Variants in UNC5C observed in about 807,000 individuals in gnomAD.
UNC5C encodes the protein unc-5 netrin receptor C, also known as netrin receptor UNC5C.
UNC5C carries 47 observed loss-of-function variants against 99.8 expected under a neutral mutation model. That is an observed-to-expected ratio of 0.47 (90% CI 0.37 to 0.60). The LOEUF is 0.60. Among genes scored for constraint, UNC5C ranks in the 20% least tolerant of loss-of-function variants. UNC5C has a pLI of 0.00. For missense variants in UNC5C, 1,062 were observed against 1,165.9 expected (o/e 0.91, Z 1.30); for synonymous variants, 487 against 452.2 (o/e 1.08, Z -0.98).
intron 1 of UNC5C, among the ~76,000 whole-genome samples, chr4:95,369,111 G>A (rs56219612): frequency 0.29 from 44,558 of 151,612 alleles, 8,270 homozygotes; most frequent in African/African-American, 0.52. Context: ...CTCCCACCTC[G>A]GCCTCCCAAA....
chr4:95,439,697 C>T (rs945451794), intron 1 of UNC5C, among the ~76,000 whole-genome samples: 39 of 152,078 alleles, frequency 2.6e-4, no homozygotes, highest in African/African-American at 8.9e-4. Context: ...AAAAGGTGTT[C>T]TGAGGTCAAA....
chr4:95,281,468 G>T lies in UNC5C; in HGVS notation c.491-3106C>A, dbSNP rs1406785812. On this transcript the variant is annotated intron_variant, in intron 3 of 15. Coordinates refer to ENST00000453304, the MANE Select transcript of UNC5C (RefSeq NM_003728.4). ...GGTGTCCATCAGAGTGACTGATGGA[G>T]TGAGGCGGTGGTGAGGAGCCTGAAG... is the stretch of plus-strand genomic sequence containing the variant. Among the ~76,000 whole-genome samples, 5 of 152,286 alleles carry T rather than the reference G, an allele frequency of 3.3e-5. No individual in the cohort carries two copies. The East Asian group carries it at 9.7e-4, about 30-fold the overall frequency.
At chr4:95,382,768 C>T (rs1404113861) in intron 1 of UNC5C, among the ~76,000 whole-genome samples, 5 of 152,154 alleles carry the variant, frequency 3.3e-5, no homozygotes, top group Admixed American at 3.3e-4. Flanking sequence ...TCCTACTTAG[C>T]CACTGCTTTA....
At chr4:95,289,747 C>G (rs763065671) in intron 3 of UNC5C, among the ~76,000 whole-genome samples, 2 of 152,068 alleles carry the variant, frequency 1.3e-5, no homozygotes, top group Non-Finnish European at 2.9e-5. Flanking sequence ...ATCACCAAAT[C>G]TGGCTGTTAA....
intron 7 of UNC5C, among the ~76,000 whole-genome samples, chr4:95,233,039 T>A (rs895316025): frequency 6.6e-6 from 1 of 152,160 alleles, no homozygotes; most frequent in Non-Finnish European, 1.5e-5. Flanking sequence ...CATTCTAAAG[T>A]CAAGAAATGA....
chr4:95,267,435 C>T (rs1182983998), intron 4 of UNC5C, among the ~76,000 whole-genome samples: 1 of 152,102 alleles, frequency 6.6e-6, no homozygotes, highest in Non-Finnish European at 1.5e-5. Flanking sequence ...TTTTCTGTTT[C>T]TAACAAGAGG....
At chr4:95,266,903 T>G (rs1014401925) in intron 4 of UNC5C, among the ~76,000 whole-genome samples, 37 of 152,234 alleles carry the variant, frequency 2.4e-4, no homozygotes, top group African/African-American at 8.0e-4. Flanking sequence ...TCCAGTTTTA[T>G]CTTGACTTTC....
intron 1 of UNC5C, among the ~76,000 whole-genome samples, chr4:95,527,090 C>T (rs1722517505): frequency 6.6e-6 from 1 of 151,940 alleles, no homozygotes; most frequent in Admixed American, 6.6e-5. Flanking sequence ...AGTTAATATA[C>T]CCATGCATTT....
intron 13 of UNC5C, among the ~76,000 whole-genome samples, chr4:95,183,670 C>T (rs1332231468): frequency 6.6e-6 from 1 of 150,694 alleles, no homozygotes; most frequent in African/African-American, 2.4e-5. Flanking sequence ...GACCACCTTA[C>T]AGAGCCTATC....
At chr4:95,491,829 C>T (rs933386684) in intron 1 of UNC5C, among the ~76,000 whole-genome samples, 1 of 151,534 alleles carries the variant, frequency 6.6e-6, no homozygotes, top group Admixed American at 6.6e-5. Context: ...GTTCTATTCT[C>T]AAACAGAAAA....
At chr4:95,305,756 A>T (rs563565686) in intron 2 of UNC5C, among the ~76,000 whole-genome samples, 1 of 152,300 alleles carries the variant, frequency 6.6e-6, no homozygotes, top group South Asian at 2.1e-4. Flanking sequence ...AGTAATTAGC[A>T]TGTTATTCCA....
At chr4:95,183,667 T>C (rs1317829978) in intron 13 of UNC5C, among the ~76,000 whole-genome samples, 1 of 151,154 alleles carries the variant, frequency 6.6e-6, no homozygotes. Context: ...CTAGACCACC[T>C]TACAGAGCCT....
chr4:95,539,197 C>G (rs1722854695), intron 1 of UNC5C, among the ~76,000 whole-genome samples: 1 of 152,180 alleles, frequency 6.6e-6, no homozygotes, highest in Non-Finnish European at 1.5e-5. Context: ...CTCCTGCGTG[C>G]ACTGCATGCA....
intron 1 of UNC5C, among the ~76,000 whole-genome samples, chr4:95,520,600 T>TA (rs1320609506): frequency 4.6e-4 from 68 of 147,732 alleles, no homozygotes; most frequent in African/African-American, 1.6e-3. Flanking sequence ...TCTAGTATTT[T>TA]TTTTTTTTTT....
At chr4:95,517,665 C>T (rs1443540022) in intron 1 of UNC5C, among the ~76,000 whole-genome samples, 2 of 152,024 alleles carry the variant, frequency 1.3e-5, no homozygotes, top group African/African-American at 2.4e-5. Flanking sequence ...TATTTTATGG[C>T]CATGAAAAGT....
At chr4:95,337,327 G>C (rs1308080532) in intron 1 of UNC5C, among the ~76,000 whole-genome samples, 1 of 151,878 alleles carries the variant, frequency 6.6e-6, no homozygotes, top group Non-Finnish European at 1.5e-5. Flanking sequence ...TTCAGCCATT[G>C]TTTCAGAAGG....
chr4:95,322,443 T>G (rs2149413694), intron 2 of UNC5C, among the ~76,000 whole-genome samples: 1 of 152,310 alleles, frequency 6.6e-6, no homozygotes, highest in African/African-American at 2.4e-5. Context: ...TTGCCTGTGC[T>G]TAGCACCTTG....
intron 1 of UNC5C, among the ~76,000 whole-genome samples, chr4:95,520,652 G>A (rs1264396561): frequency 1.4e-5 from 2 of 142,320 alleles, no homozygotes. Flanking sequence ...AGGCTGGACT[G>A]CAGTGGTGCC....
rs750542555 is a variant in UNC5C, at chr4:95,242,574, T to C, written c.963A>G (p.Pro321=). 4 of 1,592,122 alleles carry C rather than the reference T, an allele frequency of 2.5e-6. No homozygotes were observed. The highest frequency in any genetic ancestry group is 3.4e-6 in the Non-Finnish European group (4 of 1,168,008). The change falls in exon 7 of 16, where the codon CCA becomes CCG. Residue 321 remains proline, a synonymous_variant. Coordinates refer to ENST00000453304, the MANE Select transcript of UNC5C (RefSeq NM_003728.4). Reference sequence around the variant, plus strand: ...TTCCACAAGTAGACCACTTGCTCCATGGCGTCCACCTGCCATCCACTGCCA... The same window carrying C: ...TTCCACAAGTAGACCACTTGCTCCACGGCGTCCACCTGCCATCCACTGCCA... The part of the protein sequence containing the change: ...TLCPVDGRWT[P]WSKWSTCGTE...
Sources: allele counts gnomAD v4.1 joint callset (sites outside exome capture counted in the v4.1 genomes callset), GRCh38; gene constraint gnomAD v4.1.1; transcripts MANE v1.5; gene names NCBI Gene and HGNC (gene_info 2026-07-23, HGNC 2026-07-21).